MDGA2: variants seen among roughly 807,000 people sequenced by gnomAD.
MDGA2 encodes the protein MAM domain-containing glycosylphosphatidylinositol anchor protein 2.
A neutral mutation model predicts 117.8 loss-of-function variants in MDGA2; 40 were observed. The observed-to-expected ratio is 0.34, with a 90% CI of 0.26 to 0.44. The LOEUF (loss-of-function observed/expected upper bound fraction) is 0.44, where lower values mean the gene tolerates loss of function less well. MDGA2 is among the 20% of genes least tolerant of loss of function. MDGA2 has a pLI of 1.00. For missense variants in MDGA2, 1,123 were observed against 1,250.6 expected (o/e 0.90, Z 1.54); for synonymous variants, 452 against 439.0 (o/e 1.03, Z -0.37).
intron 1 of MDGA2, among the ~76,000 whole-genome samples, chr14:47,606,750 G>C (rs1424804872): frequency 6.6e-6 from 1 of 152,166 alleles, no homozygotes; most frequent in Non-Finnish European, 1.5e-5. Context: ...AGGACAAAAA[G>C]AGCTGCTGTG....
At position 47,609,442 on chromosome 14, in the gene MDGA2, T is replaced by TAC. The variant is rs1566539666; in HGVS notation, c.280+65074_280+65075insGT. Among the ~76,000 whole-genome samples, 362 of 89,442 alleles carry TAC rather than the reference T, an allele frequency of 4.0e-3. 3 individuals carry two copies. The highest frequency in any genetic ancestry group is 5.8e-3 in the Non-Finnish European group (258 of 44,678). 58.7% of individuals were successfully genotyped at this position (89,442 alleles called of 152,430 possible). On this transcript the variant is annotated intron_variant, in intron 1 of 16. Coordinates refer to ENST00000399232, the MANE Select transcript of MDGA2 (RefSeq NM_001113498.3). Reference sequence around the variant, plus strand: ...TAGTATTCCATCATATATATATATATATATATATATATATATATATATAAG... The same window carrying TAC: ...TAGTATTCCATCATATATATATATATACATATATATATATATATATATATAAG...
intron 6 of MDGA2, among the ~76,000 whole-genome samples, chr14:47,070,559 T>C (rs150327575): frequency 6.6e-6 from 1 of 152,258 alleles, no homozygotes; most frequent in East Asian, 1.9e-4. Flanking sequence ...TTTAATCACA[T>C]TGACCAACCT....
chr14:47,496,617 A>G (rs2138664603), intron 1 of MDGA2, among the ~76,000 whole-genome samples: 1 of 152,112 alleles, frequency 6.6e-6, no homozygotes, highest in African/African-American at 2.4e-5. Context: ...GAATTTACCA[A>G]AGAAATTTTA....
intron 1 of MDGA2, among the ~76,000 whole-genome samples, chr14:47,594,354 C>T (rs1389623084): frequency 7.9e-5 from 12 of 152,072 alleles, no homozygotes; most frequent in Non-Finnish European, 7.4e-5. Context: ...GATAACTAAT[C>T]CTACTGTGAT....
chr14:47,230,435 C>A (rs1886649318), intron 2 of MDGA2, among the ~76,000 whole-genome samples: 1 of 151,900 alleles, frequency 6.6e-6, no homozygotes, highest in Non-Finnish European at 1.5e-5. Flanking sequence ...TCTAATAATT[C>A]ATCTAAAATC....
In MDGA2 at chr14:47,400,825, C is replaced by T. The variant is rs1471466979; in HGVS notation, c.281-99275G>A. On this transcript the variant is annotated intron_variant, in intron 1 of 16. Transcript: ENST00000399232. ...AGGCTAGAGTGCAATGGCAAGATCT[C>T]GGCTCACTGCAAGCTCCGCCTCCCG... Among the ~76,000 whole-genome samples, 16 of 12,134 alleles carry T rather than the reference C, an allele frequency of 1.3e-3. 1 individual carries two copies. The highest frequency in any genetic ancestry group is 2.3e-3 in the Non-Finnish European group (15 of 6,584). 8.0% of individuals were successfully genotyped at this position (12,134 alleles called of 152,430 possible).
At chr14:47,531,407 T>C (rs1895098494) in intron 1 of MDGA2, among the ~76,000 whole-genome samples, 1 of 152,212 alleles carries the variant, frequency 6.6e-6, no homozygotes, top group Non-Finnish European at 1.5e-5. Context: ...ATGTGTTTTA[T>C]GGTCCTTCAA....
chr14:47,540,680 C>T (rs1475725819), intron 1 of MDGA2, among the ~76,000 whole-genome samples: 1 of 151,494 alleles, frequency 6.6e-6, no homozygotes, highest in African/African-American at 2.4e-5. Context: ...CCTCCTGCCT[C>T]AGCCTTCCAA....
intron 10 of MDGA2, among the ~76,000 whole-genome samples, chr14:46,903,899 C>T (rs961705847): frequency 6.6e-6 from 1 of 152,028 alleles, no homozygotes; most frequent in Non-Finnish European, 1.5e-5. Context: ...TGTATTCATG[C>T]TTTCTGTATG....
At chr14:47,495,046 G>T (rs1894252489) in intron 1 of MDGA2, among the ~76,000 whole-genome samples, 2 of 151,234 alleles carry the variant, frequency 1.3e-5, no homozygotes, top group South Asian at 4.2e-4. Context: ...TATTTGTATG[G>T]GTATATACAC....
intron 8 of MDGA2, among the ~76,000 whole-genome samples, chr14:46,965,313 ACTCT>A (rs140233463): frequency 0.28 from 42,389 of 151,486 alleles, 7,095 homozygotes; most frequent in African/African-American, 0.47. Context: ...GTTTTTCTAG[ACTCT>A]CTCTATATAT....
At chr14:47,297,374 G>A (rs1052594288) in intron 2 of MDGA2, among the ~76,000 whole-genome samples, 15 of 149,456 alleles carry the variant, frequency 1.0e-4, no homozygotes, top group Non-Finnish European at 2.2e-4. Context: ...AATTATTGAC[G>A]TGACAATTTT....
chr14:46,839,692 G>A, downstream of MDGA2, among the ~76,000 whole-genome samples: 1 of 151,920 alleles, frequency 6.6e-6, no homozygotes, highest in South Asian at 2.1e-4. Flanking sequence ...TAAAGTATAT[G>A]GGTTACTGTG....
chr14:46,944,524 C>T (rs928129417), intron 9 of MDGA2, among the ~76,000 whole-genome samples: 3 of 151,916 alleles, frequency 2.0e-5, no homozygotes, highest in Non-Finnish European at 4.4e-5. Context: ...AAATTTCAGC[C>T]ATTTTTTCTG....
intron 4 of MDGA2, among the ~76,000 whole-genome samples, chr14:47,134,405 G>A (rs756299049): frequency 1.2e-4 from 18 of 151,946 alleles, no homozygotes; most frequent in Non-Finnish European, 2.1e-4. Flanking sequence ...TATAATCAGA[G>A]CCTAAATACA....
chr14:47,030,783 A>T (rs1888636336), intron 8 of MDGA2, among the ~76,000 whole-genome samples: 1 of 151,994 alleles, frequency 6.6e-6, no homozygotes, highest in Non-Finnish European at 1.5e-5. Flanking sequence ...ACCCAGAAAA[A>T]CCTTTTAAGT....
chr14:47,628,228 C>A (rs1220238631), intron 1 of MDGA2, among the ~76,000 whole-genome samples: 2 of 152,176 alleles, frequency 1.3e-5, no homozygotes, highest in Non-Finnish European at 1.5e-5. Flanking sequence ...CATTTTTATG[C>A]AAATTGCTCT....
At chr14:47,200,791 T>C in intron 3 of MDGA2, 1 of 819,758 alleles carries the variant, frequency 1.2e-6, no homozygotes, top group Non-Finnish European at 2.1e-6. Flanking sequence ...CAAACTTTCT[T>C]GCAGGCTTCA....
At chr14:47,093,241 A>T (rs1207103251) in intron 6 of MDGA2, among the ~76,000 whole-genome samples, 1 of 152,094 alleles carries the variant, frequency 6.6e-6, no homozygotes, top group Non-Finnish European at 1.5e-5. Context: ...ATTTTGGACC[A>T]TGCATCCAAA....
Sources: allele counts gnomAD v4.1 joint callset (sites outside exome capture counted in the v4.1 genomes callset), GRCh38; gene constraint gnomAD v4.1.1; transcripts MANE v1.5; gene names NCBI Gene and HGNC (gene_info 2026-07-23, HGNC 2026-07-21).